Variants in DGKG observed in about 807,000 individuals in gnomAD.
DGKG encodes diacylglycerol kinase gamma, also known as DAG kinase gamma.
A neutral mutation model predicts 105.3 loss-of-function variants in DGKG; 78 were observed. The observed-to-expected ratio is 0.74, with a 90% CI of 0.62 to 0.89. DGKG has a LOEUF of 0.89. Ranked by LOEUF, DGKG falls within the 40% of genes least tolerant of loss-of-function variation. DGKG has a pLI of 0.00. For synonymous variants in DGKG, 346 were observed against 367.1 expected (o/e 0.94, Z 0.66); for missense variants, 958 against 1,020.1 (o/e 0.94, Z 0.83).
chr3:186,308,637 G>A (rs1242297420), intron 2 of DGKG, among the ~76,000 whole-genome samples: 3 of 152,112 alleles, frequency 2.0e-5, no homozygotes, highest in African/African-American at 7.2e-5. Flanking sequence ...AAATACAACA[G>A]GAAAATGCTT....
At chr3:186,307,741 T>C (rs1010339890) in intron 2 of DGKG, among the ~76,000 whole-genome samples, 1 of 152,152 alleles carries the variant, frequency 6.6e-6, no homozygotes, top group Non-Finnish European at 1.5e-5. Flanking sequence ...GAGTGAAAAT[T>C]TCAAAACATT....
intron 21 of DGKG, among the ~76,000 whole-genome samples, chr3:186,202,498 T>G (rs563246631): frequency 2.6e-5 from 4 of 152,354 alleles, no homozygotes; most frequent in Middle Eastern, 3.4e-3. Flanking sequence ...GGTTCCCAAA[T>G]CTCCCATGTG....
At chr3:186,332,644 T>C (rs1725655561) in intron 1 of DGKG, among the ~76,000 whole-genome samples, 1 of 152,194 alleles carries the variant, frequency 6.6e-6, no homozygotes, top group East Asian at 1.9e-4. Flanking sequence ...CAAGTTCTTC[T>C]TCATCTCTAA....
At chr3:186,166,235 G>A (rs1002818998) in intron 22 of DGKG, among the ~76,000 whole-genome samples, 2 of 151,712 alleles carry the variant, frequency 1.3e-5, no homozygotes, top group Non-Finnish European at 2.9e-5. Context: ...AATTACTGAC[G>A]ATCACTAATG....
chr3:186,273,342 T>TGGCGCTGG (rs1030246420), intron 10 of DGKG, among the ~76,000 whole-genome samples: 1 of 145,012 alleles, frequency 6.9e-6, no homozygotes, highest in Non-Finnish European at 1.5e-5. Context: ...GGGTTTGAAC[T>TGGCGCTGG]GGCGCTGGGG....
intron 1 of DGKG, among the ~76,000 whole-genome samples, chr3:186,337,195 C>T (rs1253690973): frequency 6.6e-6 from 1 of 152,110 alleles, no homozygotes; most frequent in Non-Finnish European, 1.5e-5. Flanking sequence ...TATAGACCAA[C>T]CTCATCTAAA....
Position 186,226,031 on chromosome 3 carries a change from G to C in DGKG, c.1827-14146C>G, listed in dbSNP as rs764627982. On this transcript the variant is annotated intron_variant, in intron 20 of 24. Coordinates refer to ENST00000265022, the MANE Select transcript of DGKG (RefSeq NM_001346.3). This position sits in a 1 kb window ranked among gnomAD's most constrained non-coding sequence, Gnocchi z 4.2. ...TGGGAAATAATATTGCAGTTGCTCTGTGTTTGGAAGTTAGGGCACAACCTG... is the reference window on the plus strand; with the variant it reads ...TGGGAAATAATATTGCAGTTGCTCTCTGTTTGGAAGTTAGGGCACAACCTG... Among the ~76,000 whole-genome samples the C allele has an allele frequency of 2.6e-5, 4 of 152,174 alleles. No individual in the cohort carries two copies. Among genetic ancestry groups the C allele is most frequent in the Non-Finnish European group, 5.9e-5 (4 of 68,022 alleles).
intron 14 of DGKG, among the ~76,000 whole-genome samples, chr3:186,262,172 C>T (rs1272570061): frequency 6.6e-6 from 1 of 152,114 alleles, no homozygotes; most frequent in African/African-American, 2.4e-5. Context: ...GTGAACCACC[C>T]GCTTCCACCC....
At chr3:186,327,350 T>TCTCCTCCTCCTCCTC (rs529028348) in intron 1 of DGKG, among the ~76,000 whole-genome samples, 1 of 150,062 alleles carries the variant, frequency 6.7e-6, no homozygotes, top group African/African-American at 2.5e-5. Context: ...TCCTCCTCCT[T>TCTCCTCCTCCTCCTC]CTCCTCCTCC....
intron 18 of DGKG, among the ~76,000 whole-genome samples, chr3:186,252,637 GGTAA>G (rs1044853031): frequency 4.6e-5 from 7 of 152,206 alleles, no homozygotes; most frequent in African/African-American, 1.7e-4. Flanking sequence ...TTCTAGTGAC[GGTAA>G]GTAACTGGAG....
At chr3:186,314,167 A>G (rs1216903820) in intron 2 of DGKG, among the ~76,000 whole-genome samples, 1 of 141,934 alleles carries the variant, frequency 7.0e-6, no homozygotes, top group Admixed American at 7.8e-5. Flanking sequence ...TGACATATAC[A>G]TATCTGCACA....
At chr3:186,164,160 T>C (rs1716426488) in intron 23 of DGKG, among the ~76,000 whole-genome samples, 2 of 152,338 alleles carry the variant, frequency 1.3e-5, no homozygotes, top group African/African-American at 2.4e-5. Context: ...CCCAGTATCC[T>C]GTGGACTCCT....
intron 1 of DGKG, among the ~76,000 whole-genome samples, chr3:186,355,466 T>TG (rs1464900599): frequency 4.3e-5 from 6 of 140,540 alleles, no homozygotes; most frequent in African/African-American, 1.4e-4. Context: ...ACCATTATCA[T>TG]AACCCCCACA....
intron 6 of DGKG, among the ~76,000 whole-genome samples, chr3:186,288,501 A>G (rs1021054978): frequency 6.6e-6 from 1 of 152,164 alleles, no homozygotes; most frequent in African/African-American, 2.4e-5. Flanking sequence ...TGCCCTTCCC[A>G]TGTGATACAC....
In DGKG at chr3:186,210,016, C is replaced by G. The variant is rs1190262967; in HGVS notation, c.1917+1779G>C. 6.6e-6 allele frequency among the ~76,000 whole-genome samples: 1 copy of G among 152,192 alleles called. No homozygotes were observed. The highest frequency in any genetic ancestry group is 1.5e-5 in the Non-Finnish European group (1 of 68,040). On this transcript the variant is annotated intron_variant, in intron 21 of 24. Transcript: ENST00000265022. The surrounding 1 kb of genome is among the most constrained non-coding windows in gnomAD (Gnocchi z 5.2). ...CCTCCAGACCAGTGAACAACCCCAC[C>G]CCCTCCAGAGGCCACCAGTGTCTTT...
At chr3:186,163,402 C>T (rs930711093) in intron 23 of DGKG, among the ~76,000 whole-genome samples, 1 of 152,132 alleles carries the variant, frequency 6.6e-6, no homozygotes, top group Admixed American at 6.5e-5. Context: ...AAGGCAGGCT[C>T]TTTTGGAGGC....
chr3:186,326,343 G>C (rs1343646170), intron 1 of DGKG, among the ~76,000 whole-genome samples: 2 of 151,774 alleles, frequency 1.3e-5, no homozygotes, highest in Middle Eastern at 3.4e-3. Context: ...ATGTTGCAGC[G>C]AGCCGAGATC....
intron 7 of DGKG, among the ~76,000 whole-genome samples, chr3:186,282,223 C>T (rs1258671168): frequency 6.6e-6 from 1 of 152,044 alleles, no homozygotes; most frequent in Non-Finnish European, 1.5e-5. Context: ...AGAAGGGGAG[C>T]AGAAGCAGGT....
At chr3:186,338,169 CAAAAAAAAAA>C (rs34436386) in intron 1 of DGKG, among the ~76,000 whole-genome samples, 1 of 75,842 alleles carries the variant, frequency 1.3e-5, no homozygotes, top group Non-Finnish European at 2.9e-5. Flanking sequence ...GACCCTATCT[CAAAAAAAAAA>C]AAAAAAAAAG....
Sources: allele counts gnomAD v4.1 joint callset (sites outside exome capture counted in the v4.1 genomes callset), GRCh38; gene constraint gnomAD v4.1.1; non-coding constraint Gnocchi (gnomAD v3.1); transcripts MANE v1.5; gene names NCBI Gene and HGNC (gene_info 2026-07-23, HGNC 2026-07-21).